DCC: variants seen among roughly 807,000 people sequenced by gnomAD.
DCC encodes DCC netrin 1 receptor.
Under a neutral mutation model 172.5 loss-of-function variants are expected in DCC, and 58 were observed. The observed-to-expected ratio is 0.34, with a 90% confidence interval of 0.27 to 0.42. The LOEUF is 0.42. Ranked by LOEUF, DCC falls within the 10% of genes least tolerant of loss-of-function variation. The pLI, the probability that DCC is intolerant of heterozygous loss-of-function variation, is 1.00. For missense variants in DCC, 1,740 were observed against 1,791.0 expected (o/e 0.97, Z 0.51); for synonymous variants, 709 against 644.5 (o/e 1.10, Z -1.52).
intron 7 of DCC, among the ~76,000 whole-genome samples, chr18:53,117,536 A>T (rs2043425331): frequency 6.6e-6 from 1 of 151,710 alleles, no homozygotes. Context: ...CTGTTTCAAA[A>T]TCAATGGTTT....
intron 8 of DCC, among the ~76,000 whole-genome samples, chr18:53,169,285 C>CA (rs1483901602): frequency 6.6e-6 from 1 of 152,174 alleles, no homozygotes; most frequent in Non-Finnish European, 1.5e-5. Context: ...TCAAGTAACT[C>CA]AAAGTTCTTA....
intron 1 of DCC, among the ~76,000 whole-genome samples, chr18:52,391,506 GA>G (rs2144350208): frequency 6.6e-6 from 1 of 152,228 alleles, no homozygotes; most frequent in Admixed American, 6.5e-5. Context: ...GAACCAGAAG[GA>G]ATTAAGAATT....
chr18:52,836,892 C>G (rs2038716210), intron 2 of DCC, among the ~76,000 whole-genome samples: 1 of 152,244 alleles, frequency 6.6e-6, no homozygotes, highest in Non-Finnish European at 1.5e-5. Context: ...CCATAGGGCT[C>G]TGCCTTTGCA....
In DCC at chr18:52,906,195, A is replaced by T. The variant is rs1371234884; in HGVS notation, c.564A>T (p.Arg188=). ...TGACTCCAATCCCAGGTGACTCCCG[A>T]GTGGTGGTCTTGCCCTCTGGAGCAT... The part of the protein sequence containing the change: ...QDLTPIPGDS[R]VVVLPSGALQ... Residue 188 remains arginine (R), a synonymous_variant, in exon 3 of 29, where the codon CGA becomes CGT. Transcript: ENST00000442544. 2 of 1,613,918 alleles carry T rather than the reference A, an allele frequency of 1.2e-6. No homozygotes were observed. Among genetic ancestry groups the T allele is most frequent in the Non-Finnish European group, 1.7e-6 (2 of 1,179,958 alleles).
chr18:53,170,589 G>A (rs1472736224), intron 8 of DCC, among the ~76,000 whole-genome samples: 1 of 152,134 alleles, frequency 6.6e-6, no homozygotes, highest in Non-Finnish European at 1.5e-5. Context: ...TATTTCTTAT[G>A]AAGTTGTGGT....
At chr18:52,373,607 C>A (rs1985217672) in intron 1 of DCC, among the ~76,000 whole-genome samples, 1 of 152,114 alleles carries the variant, frequency 6.6e-6, no homozygotes, top group Non-Finnish European at 1.5e-5. Flanking sequence ...CTCTTTTGAC[C>A]TTTGGAGTTG....
intron 25 of DCC, among the ~76,000 whole-genome samples, chr18:53,484,666 C>A (rs1023537646): frequency 6.6e-6 from 1 of 152,038 alleles, no homozygotes; most frequent in Non-Finnish European, 1.5e-5. Context: ...ATTCCCCCAG[C>A]ACCATTTATG....
At chr18:52,342,415 T>A (rs1484443140) in intron 1 of DCC, among the ~76,000 whole-genome samples, 1 of 132,832 alleles carries the variant, frequency 7.5e-6, no homozygotes, top group Non-Finnish European at 1.5e-5. Flanking sequence ...GGCTCTTCTC[T>A]CCCGGAGCTT....
chr18:53,290,823 A>G (rs987443298), intron 12 of DCC, among the ~76,000 whole-genome samples: 1 of 152,198 alleles, frequency 6.6e-6, no homozygotes, highest in Non-Finnish European at 1.5e-5. Flanking sequence ...CCCATCAAAC[A>G]CTATGACTTA....
intron 12 of DCC, among the ~76,000 whole-genome samples, chr18:53,260,032 G>T (rs141852425): frequency 2.0e-5 from 3 of 151,964 alleles, no homozygotes; most frequent in African/African-American, 7.3e-5. Context: ...TGTATTTCTC[G>T]TGCCATGGTT....
Position 52,925,386 on chromosome 18 carries a change from G to C in DCC, c.985+16G>C, listed in dbSNP as rs1194033345. The C allele has an allele frequency of 6.2e-7, 1 of 1,610,794 alleles. No individual in the cohort carries two copies. Among genetic ancestry groups the C allele is most frequent in the African/African-American group, 1.3e-5 (1 of 74,766 alleles). On this transcript the variant is annotated intron_variant, in intron 5 of 28. Coordinates refer to ENST00000442544, the MANE Select transcript of DCC (RefSeq NM_005215.4). ...ACAGTCTTGGGTAAGTTAGTGGCTG[G>C]AGATGAGTTTATATTGTACCTTTCA... is the stretch of plus-strand genomic sequence containing the variant.
intron 1 of DCC, among the ~76,000 whole-genome samples, chr18:52,654,526 T>A (rs947456549): frequency 6.6e-6 from 1 of 152,178 alleles, no homozygotes; most frequent in African/African-American, 2.4e-5. Context: ...GGCCTCTCTT[T>A]GGCTTATGGA....
intron 1 of DCC, among the ~76,000 whole-genome samples, chr18:52,407,317 G>A (rs1568155287): frequency 6.6e-6 from 1 of 151,974 alleles, no homozygotes; most frequent in Non-Finnish European, 1.5e-5. Context: ...AGTTTTACTA[G>A]AAACAGTAAA....
intron 2 of DCC, among the ~76,000 whole-genome samples, chr18:52,807,616 C>T (rs1568116913): frequency 2.0e-5 from 3 of 152,156 alleles, no homozygotes; most frequent in African/African-American, 7.2e-5. Flanking sequence ...TCCTCAGGAT[C>T]TCGCTTTTCA....
At chr18:52,521,024 C>A (rs962062545) in intron 1 of DCC, among the ~76,000 whole-genome samples, 2 of 151,610 alleles carry the variant, frequency 1.3e-5, no homozygotes, top group Admixed American at 6.6e-5. Flanking sequence ...TTTTTCAGGC[C>A]AAAAATATAC....
rs117478769 is a variant in DCC, at chr18:53,135,516, T to A, written c.1262-21840T>A. 1.1e-3 allele frequency among the ~76,000 whole-genome samples: 173 copies of A among 152,288 alleles called. 3 individuals carry two copies. In the East Asian group the frequency reaches 0.026, roughly 23 times the overall value. On this transcript the variant is annotated intron_variant, in intron 7 of 28. Transcript: ENST00000442544. ...ATTGTCTAGGATTGCAGGAATTATT[T>A]TCTGCAAGTGTTGCTGGTAATTCTT...
chr18:52,792,610 G>A (rs763482006), intron 2 of DCC, among the ~76,000 whole-genome samples: 6 of 152,232 alleles, frequency 3.9e-5, no homozygotes, highest in Admixed American at 6.5e-5. Context: ...GGTATTGGGG[G>A]ATTCTCCATG....
chr18:53,015,903 T>A (rs2041802158), intron 5 of DCC, among the ~76,000 whole-genome samples: 1 of 152,116 alleles, frequency 6.6e-6, no homozygotes, highest in Non-Finnish European at 1.5e-5. Context: ...CATTATGAAG[T>A]TCATGTCTCT....
intron 13 of DCC, among the ~76,000 whole-genome samples, chr18:53,307,927 A>G (rs183488074): frequency 9.5e-6 from 1 of 105,114 alleles, no homozygotes; most frequent in Admixed American, 9.0e-5. Flanking sequence ...ATATATATAT[A>G]TATATATATA....
Sources: allele counts gnomAD v4.1 joint callset (sites outside exome capture counted in the v4.1 genomes callset), GRCh38; gene constraint gnomAD v4.1.1; transcripts MANE v1.5; gene names NCBI Gene and HGNC (gene_info 2026-07-23, HGNC 2026-07-21).